The following SIMC1 variants were observed in gnomAD, a reference collection of about 807,000 sequenced individuals.
SIMC1 encodes the protein SUMO-interacting motif-containing protein 1.
A neutral mutation model predicts 82.3 loss-of-function variants in SIMC1; 55 were observed. That is an observed-to-expected ratio of 0.67 (90% CI 0.54 to 0.84). The LOEUF is 0.84. Among genes scored for constraint, SIMC1 ranks in the 40% least tolerant of loss-of-function variants. The pLI is 0.00. For missense variants in SIMC1, 915 were observed against 1,107.2 expected, an observed-to-expected ratio of 0.83 and a Z score of 2.46; for synonymous variants, 353 against 426.3, an observed-to-expected ratio of 0.83 and a Z score of 2.12.
intron 1 of SIMC1, among the ~76,000 whole-genome samples, chr5:176,268,063 A>G (rs891871385): frequency 6.7e-6 from 1 of 149,056 alleles, no homozygotes. Context: ...AAGTAATTCA[A>G]TACATTTTCT....
chr5:176,329,036 C>A (rs529984924), intron 7 of SIMC1, among the ~76,000 whole-genome samples: 19 of 152,250 alleles, frequency 1.2e-4, no homozygotes, highest in African/African-American at 4.3e-4. Flanking sequence ...AACTATAGTA[C>A]AATATCACAA....
intron 5 of SIMC1, among the ~76,000 whole-genome samples, chr5:176,316,661 C>G (rs1581304600): frequency 6.6e-6 from 1 of 151,298 alleles, no homozygotes; most frequent in East Asian, 1.9e-4. Context: ...TGCACTCCAG[C>G]CTGGGCAACA....
At chr5:176,334,941 A>C (rs770839227) in intron 7 of SIMC1, among the ~76,000 whole-genome samples, 1 of 151,740 alleles carries the variant, frequency 6.6e-6, no homozygotes, top group Non-Finnish European at 1.5e-5. Context: ...AAATACAAAA[A>C]TTAGCTGGGC....
chr5:176,308,643 T>G, intron 4 of SIMC1: 2 of 1,580,504 alleles, frequency 1.3e-6, no homozygotes, highest in Non-Finnish European at 1.7e-6. Context: ...CTTCTGGAGC[T>G]CCAGCCAGCA....
At chr5:176,260,994 G>A (rs2560148) in intron 1 of SIMC1, 2 of 152,108 alleles carry the variant, frequency 1.3e-5, no homozygotes, top group Admixed American at 6.6e-5. Flanking sequence ...CAGTAGTAAC[G>A]TTCTTTGTTT....
At chr5:176,262,707 A>T (rs1762059096) in intron 1 of SIMC1, among the ~76,000 whole-genome samples, 1 of 152,200 alleles carries the variant, frequency 6.6e-6, no homozygotes, top group Non-Finnish European at 1.5e-5. Flanking sequence ...TGGGAGGCTG[A>T]GGCAGAAGAA....
chr5:176,250,989 A>G (rs895192040), intron 1 of SIMC1, among the ~76,000 whole-genome samples: 6 of 152,130 alleles, frequency 3.9e-5, no homozygotes, highest in African/African-American at 9.7e-5. Flanking sequence ...TGTGAATTTG[A>G]TCTTGTCATT....
At chr5:176,258,170 A>G (rs1761908210) in intron 1 of SIMC1, among the ~76,000 whole-genome samples, 1 of 152,228 alleles carries the variant, frequency 6.6e-6, no homozygotes, top group Non-Finnish European at 1.5e-5. Context: ...TTGAATGACT[A>G]TGTGTTATGT....
At chr5:176,266,283 C>G (rs1762209131) in intron 1 of SIMC1, among the ~76,000 whole-genome samples, 1 of 152,028 alleles carries the variant, frequency 6.6e-6, no homozygotes, top group Non-Finnish European at 1.5e-5. Context: ...GGACAGAGGT[C>G]AAGGCTGGCG....
At chr5:176,327,922 T>C (rs544947887) in intron 7 of SIMC1, among the ~76,000 whole-genome samples, 3 of 152,366 alleles carry the variant, frequency 2.0e-5, no homozygotes, top group Non-Finnish European at 4.4e-5. Context: ...TTTGCATTCC[T>C]GGAATAAAAA....
intron 5 of SIMC1, 105 bp downstream of exon 5, chr5:176,313,950 T>C (rs1197201567): frequency 1.9e-5 from 26 of 1,400,662 alleles, no homozygotes; most frequent in Non-Finnish European, 1.9e-6. Context: ...AGTCAGTAGA[T>C]AGTGTAATAG....
At chr5:176,320,331 TTTTATTTATTTA>T (rs71299779) in intron 5 of SIMC1, among the ~76,000 whole-genome samples, 74,974 of 140,144 alleles carry the variant, frequency 0.53, 21,841 homozygotes, top group East Asian at 0.78. Context: ...AGCCATCCTA[TTTTATTTATTTA>T]TTTATTTATT....
chr5:176,305,703 A>G (rs1173467541), intron 4 of SIMC1, among the ~76,000 whole-genome samples: 1 of 83,766 alleles, frequency 1.2e-5, no homozygotes, highest in Non-Finnish European at 2.4e-5. Context: ...TCCGGGAGGG[A>G]GGTGGGGGGG....
At chr5:176,344,468 TAC>T (rs57991528) in intron 9 of SIMC1, among the ~76,000 whole-genome samples, 78,484 of 146,008 alleles carry the variant, frequency 0.54, 23,147 homozygotes, top group East Asian at 0.73. Flanking sequence ...GTCAGGAGTA[TAC>T]ACACACACAC....
intron 4 of SIMC1, among the ~76,000 whole-genome samples, chr5:176,309,518 G>C (rs1329669682): frequency 6.6e-6 from 1 of 152,074 alleles, no homozygotes; most frequent in African/African-American, 2.4e-5. Flanking sequence ...GATAAAAACT[G>C]GTATATTGGA....
rs908323143 is a variant in SIMC1, at chr5:176,345,197, T to G, written c.2428T>G (p.Ser810Ala). 6.2e-7 allele frequency: 1 copy of G among 1,613,878 alleles called. No individual in the cohort carries two copies. Among genetic ancestry groups the G allele is most frequent in the Non-Finnish European group, 8.5e-7 (1 of 1,179,860 alleles). Reference protein sequence around the residue: ...QHVLREHLRSSVIDRKDLIIK... With the variant: ...QHVLREHLRSAVIDRKDLIIK... ...CCCTCTTGCAGAACACTTAAGGAGT[T>G]CCGTGATCGACCGAAAGGACTTAAT... is the stretch of plus-strand genomic sequence containing the variant. Residue 810 changes from serine (S) to alanine (A), a missense_variant, in exon 10 of 10, where the codon TCC (serine) becomes GCC (alanine). This residue lies in a region of SIMC1 where 902 missense variants were observed against 1,040.3 expected (regional missense o/e 0.87). Transcript: ENST00000429602.
Position 176,245,420 on chromosome 5 carries a change from C to G in SIMC1, c.129+6783C>G, listed in dbSNP as rs1290930794. 1.3e-3 allele frequency among the ~76,000 whole-genome samples: 194 copies of G among 151,994 alleles called. 1 individual carries two copies. The highest frequency in any genetic ancestry group is 4.5e-3 in the African/African-American group (188 of 41,432). ...CGTGGCTCTGTAGACACCTTGATTT[C>G]AAACCTTTAGCCTCCAGGACTGTGA... On this transcript the variant is annotated intron_variant, in intron 1 of 9. Coordinates refer to ENST00000429602, the MANE Select transcript of SIMC1 (RefSeq NM_001308195.2).
At chr5:176,341,148 A>G (rs1032813027) in intron 9 of SIMC1, among the ~76,000 whole-genome samples, 4 of 152,218 alleles carry the variant, frequency 2.6e-5, no homozygotes, top group Non-Finnish European at 5.9e-5. Context: ...CTCCATCTCA[A>G]AAAGAAATAA....
intron 1 of SIMC1, among the ~76,000 whole-genome samples, chr5:176,286,427 C>T (rs200720564): frequency 0.014 from 1,073 of 79,002 alleles, no homozygotes; most frequent in Admixed American, 0.025. Context: ...GAAAACTGAC[C>T]AGCCAAATGT....
Sources: gnomAD v4.1 joint callset for allele counts (sites outside exome capture counted in the v4.1 genomes callset) on GRCh38, gnomAD v4.1.1 for gene constraint, gnomAD v4.1.1 regional missense constraint, MANE v1.5 for transcripts, NCBI Gene and HGNC (gene_info 2026-07-23, HGNC 2026-07-21) for gene names.